The following CDK17 variants were observed in gnomAD, a reference collection of about 807,000 sequenced individuals.
CDK17 encodes the protein cyclin-dependent kinase 17.
A neutral mutation model predicts 77.6 loss-of-function variants in CDK17; 24 were observed. The ratio of observed to expected loss-of-function variants is 0.31; its 90% CI spans 0.22 to 0.44. The LOEUF is 0.44. Among genes scored for constraint, CDK17 ranks in the 20% least tolerant of loss-of-function variants. The pLI, the probability that CDK17 is intolerant of heterozygous loss-of-function variation, is 1.00. For missense variants in CDK17, 429 were observed against 622.5 expected (o/e 0.69, Z 3.31); for synonymous variants, 203 against 210.4 (o/e 0.96, Z 0.30).
chr12:96,331,279 A>C (rs1476567718), intron 2 of CDK17, among the ~76,000 whole-genome samples: 3 of 152,134 alleles, frequency 2.0e-5, no homozygotes, highest in Non-Finnish European at 2.9e-5. Flanking sequence ...AACATTAAAC[A>C]CTTCTCAGTT....
chr12:96,341,322 CA>C (rs1953118975), intron 1 of CDK17, among the ~76,000 whole-genome samples: 1 of 138,528 alleles, frequency 7.2e-6, no homozygotes, highest in African/African-American at 2.5e-5. Context: ...TATACATACA[CA>C]CACACACACA....
At chr12:96,354,356 GA>G (rs1052805493) in intron 1 of CDK17, among the ~76,000 whole-genome samples, 7 of 152,310 alleles carry the variant, frequency 4.6e-5, no homozygotes, top group African/African-American at 1.7e-4. Flanking sequence ...ATTTCAGCAA[GA>G]AAATAGCACG....
chr12:96,301,241 C>CAAAAAAAAAAAA (rs376295045), intron 5 of CDK17, among the ~76,000 whole-genome samples: 3 of 85,576 alleles, frequency 3.5e-5, no homozygotes, highest in African/African-American at 1.3e-4. Context: ...AACACTCGGC[C>CAAAAAAAAAAAA]AAAAAAAAAA....
chr12:96,376,389 C>CA (rs1035933967), intron 1 of CDK17, among the ~76,000 whole-genome samples: 1 of 152,186 alleles, frequency 6.6e-6, no homozygotes, highest in African/African-American at 2.4e-5. Flanking sequence ...TCCAAAACAT[C>CA]AATAATAAAC....
intron 5 of CDK17, chr12:96,303,244 T>C (rs1952532496): frequency 6.6e-6 from 1 of 152,168 alleles, no homozygotes; most frequent in Admixed American, 6.5e-5. Flanking sequence ...ATTCCCACTT[T>C]CATGAGTTCA....
intron 5 of CDK17, among the ~76,000 whole-genome samples, chr12:96,305,874 C>T (rs1952570430): frequency 6.6e-6 from 1 of 152,096 alleles, no homozygotes; most frequent in African/African-American, 2.4e-5. Context: ...GGTGTGCCAC[C>T]ACGCCTGGCT....
At chr12:96,337,317 C>A (rs1482865891) in intron 1 of CDK17, among the ~76,000 whole-genome samples, 1 of 152,010 alleles carries the variant, frequency 6.6e-6, no homozygotes, top group African/African-American at 2.4e-5. Context: ...CTTCTTACCC[C>A]CAATAGCTTA....
chr12:96,342,494 G>A (rs535341906), intron 1 of CDK17, among the ~76,000 whole-genome samples: 16 of 151,872 alleles, frequency 1.1e-4, no homozygotes, highest in African/African-American at 3.9e-4. Context: ...CCTGGGAGGT[G>A]GAGGTTGCAA....
At chr12:96,324,152 C>A (rs989755180) in intron 2 of CDK17, 40 bp from the exon 3 acceptor site, 11 of 1,524,468 alleles carry the variant, frequency 7.2e-6, no homozygotes, top group South Asian at 1.3e-5. Flanking sequence ...CATCATCAGT[C>A]CAAGATCCAG....
chr12:96,344,253 CA>C (rs1297517586), intron 1 of CDK17, among the ~76,000 whole-genome samples: 1 of 151,934 alleles, frequency 6.6e-6, no homozygotes, highest in Non-Finnish European at 1.5e-5. Flanking sequence ...TAGGAGCCCC[CA>C]AAGATAAAAG....
chr12:96,327,771 A>G (rs910326040), intron 2 of CDK17, among the ~76,000 whole-genome samples: 1 of 151,294 alleles, frequency 6.6e-6, no homozygotes, highest in African/African-American at 2.4e-5. Flanking sequence ...CTAGTCTCAA[A>G]CTCCTGGGCT....
chr12:96,352,007 AG>A lies in CDK17; in HGVS notation c.-29-17143del, dbSNP rs1344758543. 2.7e-4 allele frequency among the ~76,000 whole-genome samples: 41 copies of A among 152,330 alleles called. 1 individual carries two copies. The highest frequency in any genetic ancestry group is 2.7e-3 in the Admixed American group (41 of 15,288). On this transcript the variant is annotated intron_variant, in intron 1 of 16. Transcript: ENST00000261211. Reference sequence around the variant, plus strand: ...AGAAAATAAATCAACTAAATTCTAGAGGAACAAGCCCTTTCTGGAAAAGAAA... The same window carrying A: ...AGAAAATAAATCAACTAAATTCTAGAGAACAAGCCCTTTCTGGAAAAGAAA...
intron 3 of CDK17, among the ~76,000 whole-genome samples, chr12:96,319,409 A>T (rs1952782468): frequency 2.1e-5 from 2 of 97,378 alleles, no homozygotes; most frequent in Non-Finnish European, 4.1e-5. Context: ...AAACTATTCC[A>T]ATCAATAGAA....
chr12:96,396,517 C>T (rs1006953569), intron 1 of CDK17, among the ~76,000 whole-genome samples: 2 of 152,110 alleles, frequency 1.3e-5, no homozygotes, highest in Non-Finnish European at 2.9e-5. Flanking sequence ...TGCCATAAAC[C>T]TATTGTTTAT....
chr12:96,381,651 AATT>A (rs1290834242), intron 1 of CDK17, among the ~76,000 whole-genome samples: 5 of 152,026 alleles, frequency 3.3e-5, no homozygotes, highest in East Asian at 1.9e-4. Flanking sequence ...AGAATATCAA[AATT>A]ATTAGAAAAA....
At chr12:96,294,235 T>C (rs1426011101) in intron 10 of CDK17, among the ~76,000 whole-genome samples, 1 of 152,140 alleles carries the variant, frequency 6.6e-6, no homozygotes, top group Non-Finnish European at 1.5e-5. Context: ...ATTAATAAAT[T>C]TTATTGCTTC....
intron 15 of CDK17, 72 bp downstream of exon 15, chr12:96,282,437 C>T (rs933061789): frequency 2.1e-6 from 2 of 937,416 alleles, no homozygotes; most frequent in African/African-American, 3.3e-5. Flanking sequence ...TAGCCATCTC[C>T]CCAATCACCC....
chr12:96,306,428 TTA>T (rs1028955309), intron 5 of CDK17, among the ~76,000 whole-genome samples: 3 of 150,538 alleles, frequency 2.0e-5, no homozygotes, highest in Admixed American at 6.6e-5. Flanking sequence ...AAAAAAAAAA[TTA>T]TATATATATA....
chr12:96,287,652 TAAAAAG>T (rs1049641171), intron 11 of CDK17, among the ~76,000 whole-genome samples: 42 of 151,978 alleles, frequency 2.8e-4, no homozygotes, highest in African/African-American at 1.0e-3. Context: ...CAATGTCTCT[TAAAAAG>T]AAAAAGAGAA....
Sources: gnomAD v4.1 joint callset for allele counts (sites outside exome capture counted in the v4.1 genomes callset) on GRCh38, gnomAD v4.1.1 for gene constraint, MANE v1.5 for transcripts, NCBI Gene and HGNC (gene_info 2026-07-23, HGNC 2026-07-21) for gene names.